Variants in DDX60L observed in about 807,000 individuals in gnomAD.
DDX60L encodes the protein probable ATP-dependent RNA helicase DDX60-like.
Under a neutral mutation model 211.6 loss-of-function variants are expected in DDX60L, and 191 were observed. The observed-to-expected ratio is 0.90, with a 90% CI of 0.80 to 1.02. DDX60L has a LOEUF of 1.02. DDX60L is among the 50% of genes least tolerant of loss of function. The pLI is 0.00. For synonymous variants in DDX60L, 706 were observed against 694.1 expected (o/e 1.02, Z -0.27); for missense variants, 2,007 against 1,984.1 (o/e 1.01, Z -0.22).
intron 25 of DDX60L, among the ~76,000 whole-genome samples, chr4:168,401,961 T>C (rs1746895797): frequency 6.6e-6 from 1 of 152,148 alleles, no homozygotes; most frequent in South Asian, 2.1e-4. Flanking sequence ...TATTAACTAA[T>C]TTAATCTCTA....
chr4:168,360,464 A>G (rs77635863), intron 37 of DDX60L, among the ~76,000 whole-genome samples: 1,537 of 152,332 alleles, frequency 0.01, 28 homozygotes, highest in African/African-American at 0.034. Flanking sequence ...GCTCAGACCA[A>G]GGAAAACCAC....
intron 9 of DDX60L, among the ~76,000 whole-genome samples, chr4:168,447,620 A>C (rs1162884314): frequency 6.6e-6 from 1 of 151,972 alleles, no homozygotes; most frequent in Non-Finnish European, 1.5e-5. Context: ...AAGACTTGGA[A>C]CCAACCCAAA....
At chr4:168,447,294 C>T (rs1266636009) in intron 9 of DDX60L, among the ~76,000 whole-genome samples, 1 of 149,738 alleles carries the variant, frequency 6.7e-6, no homozygotes, top group East Asian at 2.0e-4. Context: ...CTCATCATCA[C>T]TGGCCATCAG....
At chr4:168,455,186 T>C (rs899956936) in intron 7 of DDX60L, among the ~76,000 whole-genome samples, 55 of 152,110 alleles carry the variant, frequency 3.6e-4, no homozygotes, top group African/African-American at 1.3e-3. Context: ...TCTTTTTCTT[T>C]TTTTTTCTAT....
In DDX60L at chr4:168,395,995, T is replaced by A; in HGVS notation, c.3621A>T (p.Lys1207Asn). Residue 1207 changes from lysine to asparagine, a missense_variant, in exon 27 of 38, where the codon AAA (lysine) becomes AAT (asparagine). Lys to Asn is a moderately conservative substitution (Grantham distance 94). Transcript: ENST00000682922. Reference sequence around the variant, plus strand: ...TCCTGGTAATTTCAGTGTGTAGGGCTTTGACATCAGCATACGTGCAGTCCT... The same window carrying A: ...TCCTGGTAATTTCAGTGTGTAGGGCATTGACATCAGCATACGTGCAGTCCT... ...ISEDCTYADVKALHTEITRNK... is the reference protein window; with the variant it reads ...ISEDCTYADVNALHTEITRNK... 6.2e-7 allele frequency: 1 copy of A among 1,609,162 alleles called. No individual in the cohort carries two copies. Among genetic ancestry groups the A allele is most frequent in the Non-Finnish European group, 8.5e-7 (1 of 1,177,822 alleles).
chr4:168,415,948 G>T, intron 20 of DDX60L, 149 bp from the exon 21 acceptor site: 1 of 637,280 alleles, frequency 1.6e-6, no homozygotes, highest in Non-Finnish European at 2.4e-6. Context: ...TCAGAGCTGT[G>T]GACTTTGGGC....
chr4:168,432,438 G>A lies in DDX60L; in HGVS notation c.1516+17C>T, dbSNP rs1232409127. 9.1e-6 allele frequency: 13 copies of A among 1,429,426 alleles called. No homozygotes were observed. Among genetic ancestry groups the A allele is most frequent in the South Asian group, 1.4e-5 (1 of 69,366 alleles). 88.5% of individuals were successfully genotyped at this position (1,429,426 alleles called of 1,614,324 possible). ...CAATTCATATAAGCTCTATTTTATCGTGGTTACAGAGCTCACCATCAACAT... is the reference window on the plus strand; with the variant it reads ...CAATTCATATAAGCTCTATTTTATCATGGTTACAGAGCTCACCATCAACAT... On this transcript the variant is annotated intron_variant, in intron 12 of 37. Transcript: ENST00000682922.
chr4:168,411,757 CT>C (rs1280915518), intron 22 of DDX60L, among the ~76,000 whole-genome samples: 2 of 152,084 alleles, frequency 1.3e-5, no homozygotes, highest in African/African-American at 4.8e-5. Flanking sequence ...GAGACACCAG[CT>C]GAGGAGAGCT....
Position 168,430,495 on chromosome 4 carries a change from T to A in DDX60L, c.1660A>T (p.Ser554Cys), listed in dbSNP as rs776730258. 2 of 1,599,692 alleles carry A rather than the reference T, an allele frequency of 1.3e-6. No homozygotes were observed. The highest frequency in any genetic ancestry group is 8.5e-7 in the Non-Finnish European group (1 of 1,175,780). Reference sequence around the variant, plus strand: ...CGATCTACCTGTAATATTTCACCACTGGCACCACTGGAATCCTCCTTTGGC... The same window carrying A: ...CGATCTACCTGTAATATTTCACCACAGGCACCACTGGAATCCTCCTTTGGC... ...TRPKEDSSGA[S>C]GEILQNTKPH... Residue 554 changes from serine to cysteine, a missense_variant, in exon 13 of 38, where the codon AGT becomes TGT. Coordinates refer to ENST00000682922, the MANE Select transcript of DDX60L (RefSeq NM_001012967.3).
intron 22 of DDX60L, among the ~76,000 whole-genome samples, chr4:168,408,355 T>C (rs983984832): frequency 6.6e-6 from 1 of 152,212 alleles, no homozygotes; most frequent in African/African-American, 2.4e-5. Context: ...TTTTTGAGTA[T>C]CCCATCCATC....
chr4:168,408,020 C>A (rs1748055563), intron 22 of DDX60L, among the ~76,000 whole-genome samples: 1 of 152,180 alleles, frequency 6.6e-6, no homozygotes, highest in African/African-American at 2.4e-5. Flanking sequence ...TTTGAACACA[C>A]TAGTAACTGT....
At position 168,463,180 on chromosome 4, in the gene DDX60L, C is replaced by T. The variant is rs547779401; in HGVS notation, c.265-1140G>A. Among the ~76,000 whole-genome samples the T allele has an allele frequency of 7.2e-5, 11 of 152,212 alleles. No individual in the cohort carries two copies. The South Asian group carries it at 1.0e-3, about 14-fold the overall frequency. Reference sequence around the variant, plus strand: ...TCATTCCATCATAAAGACACATGCACGCATATGTTCACCGCAGCACTATTC... The same window carrying T: ...TCATTCCATCATAAAGACACATGCATGCATATGTTCACCGCAGCACTATTC... On this transcript the variant is annotated intron_variant, in intron 4 of 37. Transcript: ENST00000682922.
chr4:168,397,388 C>G (rs1745989204), intron 26 of DDX60L, among the ~76,000 whole-genome samples: 2 of 152,300 alleles, frequency 1.3e-5, no homozygotes, highest in South Asian at 4.1e-4. Context: ...ATGGAAACAA[C>G]TGCAATGCAG....
At chr4:168,400,336 T>G (rs1450337415) in intron 26 of DDX60L, among the ~76,000 whole-genome samples, 1 of 152,202 alleles carries the variant, frequency 6.6e-6, no homozygotes. Flanking sequence ...TATGCATGCA[T>G]GTATCTTTAC....
chr4:168,429,269 T>A (rs973614254), intron 13 of DDX60L, among the ~76,000 whole-genome samples: 1 of 152,072 alleles, frequency 6.6e-6, no homozygotes, highest in African/African-American at 2.4e-5. Context: ...CTCAGCCTCC[T>A]GAGTAGCTGG....
chr4:168,441,618 T>A (rs973066595), intron 9 of DDX60L, 126 bp from the exon 10 acceptor site: 9 of 723,184 alleles, frequency 1.2e-5, no homozygotes, highest in Non-Finnish European at 1.8e-5. Flanking sequence ...TTACAGTGAG[T>A]TACACAATAC....
chr4:168,426,932 T>C (rs879579349), intron 14 of DDX60L, 138 bp downstream of exon 14: 7 of 1,011,074 alleles, frequency 6.9e-6, no homozygotes, highest in South Asian at 1.8e-5. Context: ...ATAATAACTA[T>C]CTTAAAGGGT....
At chr4:168,407,777 C>T (rs545762962) in intron 22 of DDX60L, among the ~76,000 whole-genome samples, 1 of 152,266 alleles carries the variant, frequency 6.6e-6, no homozygotes, top group Middle Eastern at 3.4e-3. Flanking sequence ...TGGACTGTAC[C>T]GCACAGCTGG....
intron 25 of DDX60L, among the ~76,000 whole-genome samples, chr4:168,403,149 G>A (rs1262605773): frequency 6.6e-6 from 1 of 152,178 alleles, no homozygotes; most frequent in Non-Finnish European, 1.5e-5. Context: ...AAAAGAAGAA[G>A]AAATTTTCTT....
Sources: allele counts gnomAD v4.1 joint callset (sites outside exome capture counted in the v4.1 genomes callset), GRCh38; gene constraint gnomAD v4.1.1; transcripts MANE v1.5; gene names NCBI Gene and HGNC (gene_info 2026-07-23, HGNC 2026-07-21).